Variants in COG4 observed in about 807,000 individuals in gnomAD.
COG4 encodes component of oligomeric golgi complex 4.
In COG4, 65 loss-of-function variants were observed where a neutral mutation model predicts 95.1. The observed-to-expected ratio is 0.68, with a 90% CI of 0.56 to 0.84. COG4 has a LOEUF of 0.84. COG4 is among the 40% of genes least tolerant of loss of function. The pLI is 0.00. For missense variants in COG4, 1,045 were observed against 989.1 expected (o/e 1.06, Z -0.76); for synonymous variants, 421 against 374.8 (o/e 1.12, Z -1.42).
At chr16:70,505,737 G>A (rs970964257) in intron 8 of COG4, among the ~76,000 whole-genome samples, 1 of 151,848 alleles carries the variant, frequency 6.6e-6, no homozygotes, top group African/African-American at 2.4e-5. Flanking sequence ...GCTGAGGCAG[G>A]AGAATGGCGT....
At chr16:70,505,810 A>C (rs1299152814) in intron 8 of COG4, among the ~76,000 whole-genome samples, 2 of 151,476 alleles carry the variant, frequency 1.3e-5, no homozygotes, top group Non-Finnish European at 2.9e-5. Context: ...GCCTGGGCGA[A>C]AGAGTGAGAC....
At chr16:70,499,869 C>G (rs887460701) in intron 9 of COG4, among the ~76,000 whole-genome samples, 1 of 152,128 alleles carries the variant, frequency 6.6e-6, no homozygotes, top group East Asian at 1.9e-4. Flanking sequence ...ACCACGTTAG[C>G]CAGGACGGTC....
At chr16:70,497,659 C>A (rs576703965) in intron 10 of COG4, among the ~76,000 whole-genome samples, 11 of 152,250 alleles carry the variant, frequency 7.2e-5, no homozygotes, top group Admixed American at 7.2e-4. Flanking sequence ...AGGCTCCTTA[C>A]CCACAAACCT....
At chr16:70,493,930 C>T (rs966459758) in intron 12 of COG4, among the ~76,000 whole-genome samples, 1 of 152,252 alleles carries the variant, frequency 6.6e-6, no homozygotes, top group African/African-American at 2.4e-5. Flanking sequence ...GTCTTCGAGA[C>T]ATGAGTCAGG....
chr16:70,490,428 T>C, intron 12 of COG4, 36 bp from the exon 13 acceptor site: 1 of 1,562,962 alleles, frequency 6.4e-7, no homozygotes, highest in South Asian at 1.1e-5. Context: ...GACTTCCTGC[T>C]GACTGTGCCT....
intron 15 of COG4, 82 bp downstream of exon 15, chr16:70,482,647 G>T: frequency 8.8e-7 from 1 of 1,139,548 alleles, no homozygotes; most frequent in South Asian, 1.3e-5. Context: ...GGTCTAGTCT[G>T]TTCAGATGGC....
At position 70,517,728 on chromosome 16, in the gene COG4, C is replaced by A. The variant is rs533751802; in HGVS notation, c.267G>T (p.Gln89His). 9.4e-5 allele frequency: 152 copies of A among 1,610,206 alleles called. 3 individuals carry two copies. The South Asian group carries it at 1.5e-3, about 16-fold the overall frequency. The change falls in exon 3 of 19, where the codon CAG becomes CAT. Residue 89 changes from glutamine (Q) to histidine (H), a missense_variant. Transcript: ENST00000323786. ...VTLHRMGPNL[Q>H]LIEGDAKQLA... is the part of the protein sequence containing the mutation. ...GCTGCTTTGCATCTCCCTCAATCAG[C>A]TGCAGATTAGGACTGGAGAAATACA...
At chr16:70,504,784 G>A (rs185555433) in intron 8 of COG4, among the ~76,000 whole-genome samples, 27 of 151,596 alleles carry the variant, frequency 1.8e-4, no homozygotes, top group African/African-American at 6.3e-4. Flanking sequence ...CTGGTGGGGC[G>A]CCTGTAATCC....
intron 12 of COG4, among the ~76,000 whole-genome samples, chr16:70,495,016 G>A (rs1436252655): frequency 6.6e-6 from 1 of 152,010 alleles, no homozygotes. Flanking sequence ...CTCTGCACAG[G>A]GCTTGGTAGA....
At chr16:70,514,218 AG>A in intron 4 of COG4, 116 bp downstream of exon 4, 1 of 1,032,922 alleles carries the variant, frequency 9.7e-7, no homozygotes, top group African/African-American at 1.6e-5. Context: ...AAAAAAAAGA[AG>A]AAAAAGAAAA....
At chr16:70,504,225 C>T (rs1197150954) in intron 8 of COG4, among the ~76,000 whole-genome samples, 1 of 152,150 alleles carries the variant, frequency 6.6e-6, no homozygotes, top group African/African-American at 2.4e-5. Flanking sequence ...CCATACCCCC[C>T]TGGGGTATTT....
chr16:70,490,875 G>A (rs2049229743), intron 12 of COG4, among the ~76,000 whole-genome samples: 1 of 151,914 alleles, frequency 6.6e-6, no homozygotes. Context: ...TAGCCAGGAT[G>A]GTCTTGATCT....
intron 13 of COG4, among the ~76,000 whole-genome samples, chr16:70,488,301 T>C (rs748222948): frequency 1.7e-4 from 25 of 151,384 alleles, no homozygotes; most frequent in Non-Finnish European, 3.2e-4. Flanking sequence ...GCCCAGCTAA[T>C]TTTTGTATTT....
Position 70,482,863 on chromosome 16 carries a change from G to T in COG4, c.1828-42C>A. On this transcript the variant is annotated intron_variant, in intron 14 of 18. Transcript: ENST00000323786. ...TGGAGACATGTGACACAGAAGGCAC[G>T]ACTCATCCCTTCCCTCTCTCTTCTC... The T allele has an allele frequency of 2.1e-6, 3 of 1,461,640 alleles. No individual in the cohort carries two copies. The South Asian group carries it at 3.4e-5, about 17-fold the overall frequency. 90.5% of individuals were successfully genotyped at this position (1,461,640 alleles called of 1,614,324 possible). A position where few individuals can be genotyped will look rare whatever the true frequency, so the allele number is the denominator to read the frequency against.
chr16:70,486,059 C>A (rs2049127236), intron 13 of COG4, among the ~76,000 whole-genome samples: 1 of 151,816 alleles, frequency 6.6e-6, no homozygotes, highest in African/African-American at 2.4e-5. Flanking sequence ...CCACGCTCTG[C>A]TAATTTTTTG....
At chr16:70,490,663 T>C (rs1236703318) in intron 12 of COG4, among the ~76,000 whole-genome samples, 1 of 151,962 alleles carries the variant, frequency 6.6e-6, no homozygotes, top group East Asian at 1.9e-4. Flanking sequence ...TGAGCTCAGG[T>C]TTCAGGTCTT....
At chr16:70,507,385 G>C (rs1460083256) in intron 8 of COG4, among the ~76,000 whole-genome samples, 1 of 152,014 alleles carries the variant, frequency 6.6e-6, no homozygotes, top group East Asian at 1.9e-4. Flanking sequence ...GATATGTTTA[G>C]ATATACAAGT....
At chr16:70,483,296 C>CCTCTCCTCTCCCCATCCCTTCCCT (rs1301961773) in intron 14 of COG4, among the ~76,000 whole-genome samples, 1 of 95,984 alleles carries the variant, frequency 1.0e-5, no homozygotes, top group Non-Finnish European at 2.0e-5. Flanking sequence ...ACCCCATCCT[C>CCTCTCCTCTCCCCATCCCTTCCCT]CTCTCCTCTC....
chr16:70,503,119 C>G (rs2049487836), intron 8 of COG4, among the ~76,000 whole-genome samples: 2 of 152,182 alleles, frequency 1.3e-5, no homozygotes, highest in African/African-American at 4.8e-5. Context: ...GGCACAATCA[C>G]AGCTCACTGC....
Sources: gnomAD v4.1 joint callset for allele counts (sites outside exome capture counted in the v4.1 genomes callset) on GRCh38, gnomAD v4.1.1 for gene constraint, MANE v1.5 for transcripts, NCBI Gene and HGNC (gene_info 2026-07-23, HGNC 2026-07-21) for gene names.